The following TOX variants were observed in gnomAD, a reference collection of about 807,000 sequenced individuals.
The protein encoded by TOX is thymocyte selection associated high mobility group box.
A neutral mutation model predicts 53.7 loss-of-function variants in TOX; 11 were observed. The observed-to-expected ratio is 0.20, with a 90% CI of 0.13 to 0.34. The LOEUF (loss-of-function observed/expected upper bound fraction) is 0.34, where lower values mean the gene tolerates loss of function less well. TOX is among the 10% of genes least tolerant of loss of function. The pLI is 1.00. For missense variants in TOX, 570 were observed against 664.6 expected (o/e 0.86, Z 1.56); for synonymous variants, 225 against 245.3 (o/e 0.92, Z 0.77).
chr8:58,988,265 C>A (rs1255221543), intron 1 of TOX, among the ~76,000 whole-genome samples: 2 of 152,170 alleles, frequency 1.3e-5, no homozygotes, highest in Non-Finnish European at 2.9e-5. Flanking sequence ...ATTAATGGGT[C>A]TATTCATCTA....
chr8:58,968,689 T>A (rs1812947265), intron 1 of TOX, among the ~76,000 whole-genome samples: 1 of 152,238 alleles, frequency 6.6e-6, no homozygotes, highest in African/African-American at 2.4e-5. Context: ...GCACAGTGAA[T>A]ATTTTTCAGT....
At chr8:58,820,496 AT>A (rs1197157666) in intron 6 of TOX, among the ~76,000 whole-genome samples, 1 of 152,140 alleles carries the variant, frequency 6.6e-6, no homozygotes, top group East Asian at 1.9e-4. Flanking sequence ...TGCTGCCTTT[AT>A]TTGGGATATT....
chr8:59,002,841 A>G (rs1585956587), intron 1 of TOX, among the ~76,000 whole-genome samples: 1 of 152,230 alleles, frequency 6.6e-6, no homozygotes, highest in East Asian at 1.9e-4. Flanking sequence ...GAATGAATGC[A>G]CTACAGTTCA....
chr8:59,086,872 T>A (rs1804521301), intron 1 of TOX, among the ~76,000 whole-genome samples: 1 of 152,226 alleles, frequency 6.6e-6, no homozygotes, highest in Non-Finnish European at 1.5e-5. Flanking sequence ...CTTGGATTAG[T>A]GCACCATTGA....
intron 3 of TOX, among the ~76,000 whole-genome samples, chr8:58,872,015 T>C (rs1811206466): frequency 1.3e-5 from 2 of 151,942 alleles, no homozygotes; most frequent in Non-Finnish European, 1.5e-5. Flanking sequence ...CTTAGAAAAA[T>C]GGCTTGCTCT....
At chr8:59,054,878 A>G (rs996567072) in intron 1 of TOX, among the ~76,000 whole-genome samples, 14 of 151,248 alleles carry the variant, frequency 9.3e-5, no homozygotes, top group Non-Finnish European at 1.8e-4. Context: ...AAAGCAAAAA[A>G]AAAGAAAGAA....
chr8:58,857,157 A>T (rs982504023), intron 3 of TOX, among the ~76,000 whole-genome samples: 1 of 152,212 alleles, frequency 6.6e-6, no homozygotes, highest in South Asian at 2.1e-4. Flanking sequence ...TGGTACAATT[A>T]GAATTGATGA....
At chr8:59,092,129 GT>G (rs1804617032) in intron 1 of TOX, among the ~76,000 whole-genome samples, 1 of 150,220 alleles carries the variant, frequency 6.7e-6, no homozygotes, top group Admixed American at 6.7e-5. Flanking sequence ...GTGGGCACCT[GT>G]AATCCCAGCT....
At chr8:59,085,659 A>G (rs950418186) in intron 1 of TOX, among the ~76,000 whole-genome samples, 4 of 152,248 alleles carry the variant, frequency 2.6e-5, no homozygotes, top group African/African-American at 9.6e-5. Context: ...TTGTTCTGGC[A>G]TTACAGGCGT....
intron 1 of TOX, among the ~76,000 whole-genome samples, chr8:59,114,121 C>G (rs982242724): frequency 1.3e-5 from 2 of 152,196 alleles, no homozygotes; most frequent in Non-Finnish European, 2.9e-5. Context: ...TTCCACTGTT[C>G]TTAATTCCCT....
In TOX at chr8:58,815,616, T is replaced by C; in HGVS notation, c.1114A>G (p.Ser372Gly). The C allele has an allele frequency of 6.2e-7, 1 of 1,614,098 alleles. No individual in the cohort carries two copies. Among genetic ancestry groups the C allele is most frequent in the Non-Finnish European group, 8.5e-7 (1 of 1,180,004 alleles). The change falls in exon 7 of 9, where the codon AGT becomes GGT. Residue 372 changes from serine (S) to glycine (G), a missense_variant. By Grantham distance (56) the Ser-to-Gly change is moderately conservative. Transcript: ENST00000361421. ...PSQAHSALYL[S>G]SHYHQQPGMN... ...CCCGGTTGTTGGTGATAGTGGGAAC[T>C]TAGGTACAGGGCCGAGTGGGCCTGG...
intron 2 of TOX, among the ~76,000 whole-genome samples, chr8:58,953,915 C>T (rs1224327537): frequency 4.0e-5 from 6 of 151,712 alleles, no homozygotes; most frequent in Non-Finnish European, 1.5e-5. Context: ...TTTGTCATAC[C>T]TCATTTATAC....
At chr8:58,821,729 A>T (rs1810279491) in intron 6 of TOX, among the ~76,000 whole-genome samples, 1 of 152,180 alleles carries the variant, frequency 6.6e-6, no homozygotes, top group African/African-American at 2.4e-5. Context: ...TATTTAATTT[A>T]GCATAATGTC....
intron 1 of TOX, among the ~76,000 whole-genome samples, chr8:59,022,100 T>C (rs1465153571): frequency 6.6e-6 from 1 of 152,212 alleles, no homozygotes; most frequent in African/African-American, 2.4e-5. Flanking sequence ...GTTGCACCCC[T>C]GATTAAATGC....
intron 1 of TOX, among the ~76,000 whole-genome samples, chr8:59,007,747 G>T (rs1046344205): frequency 5.9e-5 from 9 of 152,192 alleles, no homozygotes; most frequent in African/African-American, 1.7e-4. Flanking sequence ...TTCTGTCCAT[G>T]AAATTATATC....
intron 3 of TOX, among the ~76,000 whole-genome samples, chr8:58,871,403 A>C (rs1235777817): frequency 2.6e-5 from 4 of 152,140 alleles, no homozygotes; most frequent in African/African-American, 9.7e-5. Context: ...ATATATACAA[A>C]TTTAAAAAGC....
chr8:59,109,172 T>C (rs1804967820), intron 1 of TOX, among the ~76,000 whole-genome samples: 1 of 152,180 alleles, frequency 6.6e-6, no homozygotes, highest in Non-Finnish European at 1.5e-5. Context: ...TCTAAACATC[T>C]CTTTAAATAA....
rs900249980 is a variant in TOX at position 58,805,868 on chromosome 8, T to C, written c.*1879A>G. On this transcript the variant is annotated 3_prime_UTR_variant, in exon 9 of 9. Transcript: ENST00000361421. Reference sequence around the variant, plus strand: ...TATTACATGCTCAAGTGATTCAAGGTTGTACAATGCCTAAAATCATTCCAA... The same window carrying C: ...TATTACATGCTCAAGTGATTCAAGGCTGTACAATGCCTAAAATCATTCCAA... 1.2e-4 allele frequency: 18 copies of C among 152,648 alleles called. No homozygotes were observed. The highest frequency in any genetic ancestry group is 4.3e-4 in the African/African-American group (18 of 41,446). The allele number at this position is 152,648 out of a possible 1,614,324, so 9.5% of individuals were successfully genotyped here. A position where few individuals can be genotyped will look rare whatever the true frequency, so the allele number is the denominator to read the frequency against.
At chr8:58,898,602 G>C (rs932655059) in intron 3 of TOX, among the ~76,000 whole-genome samples, 1 of 152,178 alleles carries the variant, frequency 6.6e-6, no homozygotes, top group Non-Finnish European at 1.5e-5. Context: ...GGGGATACAG[G>C]AAGCATTTGG....
Sources: allele counts gnomAD v4.1 joint callset (sites outside exome capture counted in the v4.1 genomes callset), GRCh38; gene constraint gnomAD v4.1.1; transcripts MANE v1.5; gene names NCBI Gene and HGNC (gene_info 2026-07-23, HGNC 2026-07-21).